The following ATP2B4 variants were observed in gnomAD, a reference collection of about 807,000 sequenced individuals.
The protein encoded by ATP2B4 is plasma membrane calcium-transporting ATPase 4.
In ATP2B4, 39 loss-of-function variants were observed where a neutral mutation model predicts 110.3. That is an observed-to-expected ratio of 0.35 (90% CI 0.27 to 0.46). The LOEUF is 0.46. Among genes scored for constraint, ATP2B4 ranks in the 20% least tolerant of loss-of-function variants. The pLI is 1.00. For synonymous variants in ATP2B4, 538 were observed against 571.7 expected (o/e 0.94, Z 0.84); for missense variants, 1,135 against 1,530.9 (o/e 0.74, Z 4.32).
chr1:203,724,090 A>T (rs1666431362), intron 19 of ATP2B4, 102 bp downstream of exon 19: 2 of 915,534 alleles, frequency 2.2e-6, no homozygotes, highest in Non-Finnish European at 3.2e-6. Context: ...CCAGCTCCTC[A>T]TCTTCATCTT....
Position 203,700,798 on chromosome 1 carries a change from G to A in ATP2B4, c.776G>A (p.Gly259Glu). Residue 259 changes from glycine (G) to glutamate (E), a missense_variant and splice_region_variant, in exon 6 of 21, where the codon GGG (glycine) becomes GAG (glutamate). Gly to Glu is a moderately conservative substitution (Grantham distance 98). This residue lies in a region of ATP2B4 where 162 missense variants were observed against 210.5 expected (regional missense o/e 0.77). Coordinates refer to ENST00000357681, the MANE Select transcript of ATP2B4 (RefSeq NM_001684.5). ...TCCCATCTTCTCCTTTCCCGTGTAG[G>A]GACCCATGTCATGGAAGGTTCTGGC... Reference protein sequence around the residue: ...SLDKDPMLLSGTHVMEGSGRM... With the variant: ...SLDKDPMLLSETHVMEGSGRM... 6.2e-7 allele frequency: 1 copy of A among 1,613,412 alleles called. No homozygotes were observed. Among genetic ancestry groups the A allele is most frequent in the Non-Finnish European group, 8.5e-7 (1 of 1,179,568 alleles).
rs1666312407 is a variant in ATP2B4, at chr1:203,721,263, G to T, written c.2665G>T (p.Ala889Ser). 6.2e-7 allele frequency: 1 copy of T among 1,614,080 alleles called. No individual in the cohort carries two copies. Among genetic ancestry groups the T allele is most frequent in the African/African-American group, 1.3e-5 (1 of 74,928 alleles). Residue 889 changes from alanine to serine, a missense_variant, in exon 17 of 21, where the codon GCC (alanine) becomes TCC (serine). Ala to Ser is a moderately conservative substitution (Grantham distance 99, BLOSUM62 1). This residue lies in a region of ATP2B4 where 70 missense variants were observed against 142.4 expected (regional missense o/e 0.49). Transcript: ENST00000357681. ...GATCATGGACACTTTTGCTTCATTGGCCCTGGCCACAGAGCCCCCTACGGA... is the reference window on the plus strand; with the variant it reads ...GATCATGGACACTTTTGCTTCATTGTCCCTGGCCACAGAGCCCCCTACGGA... ...NLIMDTFASL[A>S]LATEPPTESL...
intron 1 of ATP2B4, 81 bp downstream of exon 1, chr1:203,627,300 C>T (rs562970343): frequency 6.6e-6 from 1 of 152,294 alleles, no homozygotes; most frequent in African/African-American, 2.4e-5. Context: ...TAAAACTCCC[C>T]GATTTTCCTC....
chr1:203,638,095 A>G (rs1182950970), intron 1 of ATP2B4, among the ~76,000 whole-genome samples: 1 of 152,106 alleles, frequency 6.6e-6, no homozygotes, highest in Admixed American at 6.5e-5. Context: ...ACAGGATTTT[A>G]AAGAGAAAGG....
At position 203,700,927 on chromosome 1, in the gene ATP2B4, A is replaced by G; in HGVS notation, c.901+4A>G. 6 of 1,611,830 alleles carry G rather than the reference A, an allele frequency of 3.7e-6. No individual in the cohort carries two copies. Among genetic ancestry groups the G allele is most frequent in the Non-Finnish European group, 5.1e-6 (6 of 1,178,612 alleles). On this transcript the variant is annotated splice_donor_region_variant and intron_variant, in intron 6 of 20. Transcript: ENST00000357681. ...GAAGGGGAGAAAAAGAAGAAAGGTA[A>G]GGGGCATCTGGAATGAGATTCTCTT...
At chr1:203,724,388 G>GT (rs1666440480) in intron 19 of ATP2B4, among the ~76,000 whole-genome samples, 1 of 151,912 alleles carries the variant, frequency 6.6e-6, no homozygotes, top group African/African-American at 2.4e-5. Flanking sequence ...ATGGTGGCAG[G>GT]TGCCTGTAGT....
rs143744485 is a variant in ATP2B4, at chr1:203,712,486, G to A, written c.2211+347G>A. 9.4e-3 allele frequency among the ~76,000 whole-genome samples: 1,423 copies of A among 152,110 alleles called. 25 individuals are homozygous for A. The highest frequency in any genetic ancestry group is 0.029 in the African/African-American group (1,223 of 41,506). On this transcript the variant is annotated intron_variant, in intron 13 of 20. Coordinates refer to ENST00000357681, the MANE Select transcript of ATP2B4 (RefSeq NM_001684.5). Reference sequence around the variant, plus strand: ...TGCACCTGTAGTCCCAGCTACTGGGGAGGCTGAGGCAGGAGAATCACTTGA... The same window carrying A: ...TGCACCTGTAGTCCCAGCTACTGGGAAGGCTGAGGCAGGAGAATCACTTGA...
At chr1:203,717,402 T>G (rs1386185657) in intron 15 of ATP2B4, among the ~76,000 whole-genome samples, 1 of 152,096 alleles carries the variant, frequency 6.6e-6, no homozygotes, top group Non-Finnish European at 1.5e-5. Context: ...GTATATTTGA[T>G]GTGTTTCAAT....
chr1:203,635,650 CA>C (rs34503344), intron 1 of ATP2B4, among the ~76,000 whole-genome samples: 12 of 144,346 alleles, frequency 8.3e-5, no homozygotes, highest in Admixed American at 6.9e-5. Flanking sequence ...GACCCTGTCT[CA>C]AAAAAAAAAG....
rs528046530 is a variant in ATP2B4, at chr1:203,638,129, G to A, written c.-465+10910G>A. On this transcript the variant is annotated intron_variant, in intron 1 of 20. Transcript: ENST00000357681. ...GGACAGATTTGATGGAGGAGGGGAG[G>A]GGAGATGGGGAGGAAGGGGTGTGCT... Among the ~76,000 whole-genome samples the A allele has an allele frequency of 7.9e-5, 12 of 152,194 alleles. No individual in the cohort carries two copies. In the East Asian group the frequency reaches 2.3e-3, roughly 29 times the overall value.
At chr1:203,692,690 C>T (rs1665418466) in intron 2 of ATP2B4, among the ~76,000 whole-genome samples, 1 of 152,208 alleles carries the variant, frequency 6.6e-6, no homozygotes, top group African/African-American at 2.4e-5. Context: ...CTTTCTGGGG[C>T]TGAGCTGGTT....
intron 1 of ATP2B4, chr1:203,657,177 G>T: frequency 1.2e-6 from 1 of 807,328 alleles, no homozygotes; most frequent in South Asian, 1.4e-5. Flanking sequence ...GTGGGCAAAA[G>T]GTGGCTTTCA....
chr1:203,642,101 A>G lies in ATP2B4; in HGVS notation c.-465+14882A>G, dbSNP rs374641419. Among the ~76,000 whole-genome samples the G allele has an allele frequency of 1.1e-4, 17 of 152,146 alleles. 1 individual carries two copies. Among genetic ancestry groups the G allele is most frequent in the Admixed American group, 5.2e-4 (8 of 15,264 alleles). On this transcript the variant is annotated intron_variant, in intron 1 of 20. Coordinates refer to ENST00000357681, the MANE Select transcript of ATP2B4 (RefSeq NM_001684.5). Reference sequence around the variant, plus strand: ...TTTTTGTTTTGTTTTTTGTTTTTAGAGACAGGATCTCACTTTTTCGCCCAG... The same window carrying G: ...TTTTTGTTTTGTTTTTTGTTTTTAGGGACAGGATCTCACTTTTTCGCCCAG...
At chr1:203,720,500 C>G (rs368374386) in intron 15 of ATP2B4, 49 bp from the exon 16 acceptor site, 1 of 1,537,894 alleles carries the variant, frequency 6.5e-7, no homozygotes, top group Non-Finnish European at 8.8e-7. Context: ...GGAAATGGAG[C>G]CTGGGCTTTA....
chr1:203,722,468 T>A lies in ATP2B4; in HGVS notation c.2813-10T>A. 1 of 1,604,364 alleles carries A rather than the reference T, an allele frequency of 6.2e-7. No homozygotes were observed. Among genetic ancestry groups the A allele is most frequent in the South Asian group, 1.1e-5 (1 of 90,870 alleles). On this transcript the variant is annotated splice_polypyrimidine_tract_variant and intron_variant, in intron 17 of 20. Coordinates refer to ENST00000357681, the MANE Select transcript of ATP2B4 (RefSeq NM_001684.5). ...CACTTAACCTCCAGTGCTTCTCCTCTCCCCACTAGGTGAGAAATTCTTTGA... is the reference window on the plus strand; with the variant it reads ...CACTTAACCTCCAGTGCTTCTCCTCACCCCACTAGGTGAGAAATTCTTTGA...
intron 1 of ATP2B4, among the ~76,000 whole-genome samples, chr1:203,671,440 C>A (rs941750243): frequency 6.6e-6 from 1 of 152,182 alleles, no homozygotes; most frequent in Non-Finnish European, 1.5e-5. Context: ...CGATTATAGG[C>A]GTGAGCCACC....
chr1:203,638,560 G>T (rs1663530983), intron 1 of ATP2B4, among the ~76,000 whole-genome samples: 1 of 152,122 alleles, frequency 6.6e-6, no homozygotes, highest in African/African-American at 2.4e-5. Context: ...CATTTGAGAT[G>T]GACAGAGAAC....
chr1:203,702,125 CA>C (rs767720823), intron 7 of ATP2B4, 46 bp downstream of exon 7: 5 of 1,604,226 alleles, frequency 3.1e-6, no homozygotes, highest in South Asian at 1.1e-5. Context: ...TGCCCACACT[CA>C]AACCAGACCT....
intron 20 of ATP2B4, among the ~76,000 whole-genome samples, chr1:203,731,662 C>T (rs1164360215): frequency 6.7e-6 from 1 of 150,120 alleles, no homozygotes; most frequent in Non-Finnish European, 1.5e-5. Flanking sequence ...CCAGCCTGGC[C>T]AGCATGGTGA....
Sources: allele counts gnomAD v4.1 joint callset (sites outside exome capture counted in the v4.1 genomes callset), GRCh38; gene constraint gnomAD v4.1.1; regional missense constraint gnomAD v4.1.1; transcripts MANE v1.5; gene names NCBI Gene and HGNC (gene_info 2026-07-23, HGNC 2026-07-21).